The following SNX6 variants were observed in gnomAD, a reference collection of about 807,000 sequenced individuals.
The protein encoded by SNX6 is sorting nexin 6, also known as sorting nexin-6.
Under a neutral mutation model 63.0 loss-of-function variants are expected in SNX6, and 34 were observed. That is an observed-to-expected ratio of 0.54 (90% CI 0.41 to 0.72). SNX6 has a LOEUF of 0.72. Among genes scored for constraint, SNX6 ranks in the 30% least tolerant of loss-of-function variants. The probability of loss-of-function intolerance (pLI) is 0.00; values close to 1 mark genes in which losing one functional copy is unlikely to be tolerated. For missense variants in SNX6, 398 were observed against 471.4 expected, an observed-to-expected ratio of 0.84 and a Z score of 1.44; for synonymous variants, 170 against 164.2, an observed-to-expected ratio of 1.04 and a Z score of -0.27.
At chr14:34,603,272 C>G in intron 6 of SNX6, 76 bp downstream of exon 6, 2 of 1,405,586 alleles carry the variant, frequency 1.4e-6, no homozygotes, top group South Asian at 1.4e-5. Flanking sequence ...GAAGACAGAG[C>G]GAGATTCCGT....
intron 10 of SNX6, among the ~76,000 whole-genome samples, chr14:34,578,937 CAAAAAAAAAAAAAAAAAA>C (rs71121210): frequency 4.4e-5 from 1 of 22,538 alleles, no homozygotes; most frequent in East Asian, 2.0e-3. Flanking sequence ...GACTTCATCT[CAAAAAAAAAAAAAAAAAA>C]AAAAAAAAAA....
intron 9 of SNX6, 33 bp downstream of exon 9, chr14:34,586,197 A>C: frequency 7.3e-7 from 1 of 1,372,946 alleles, no homozygotes; most frequent in Non-Finnish European, 1.0e-6. Context: ...CACCGCGCCC[A>C]GCCTATTTCA....
chr14:34,627,728 G>A (rs923343534), intron 2 of SNX6, among the ~76,000 whole-genome samples: 2 of 152,074 alleles, frequency 1.3e-5, no homozygotes, highest in Admixed American at 1.3e-4. Context: ...GACCTCAGGT[G>A]ATCCACTCAC....
intron 5 of SNX6, among the ~76,000 whole-genome samples, chr14:34,605,094 T>C (rs1439913545): frequency 6.6e-6 from 1 of 152,204 alleles, no homozygotes; most frequent in African/African-American, 2.4e-5. Context: ...TAATTCACAC[T>C]ACATACATAC....
chr14:34,579,709 C>T (rs1045466679), intron 10 of SNX6, among the ~76,000 whole-genome samples: 1 of 151,674 alleles, frequency 6.6e-6, no homozygotes, highest in African/African-American at 2.4e-5. Flanking sequence ...GAATATAAGC[C>T]GGGCTCAGTG....
chr14:34,566,589 A>G (rs2138256973), intron 13 of SNX6, among the ~76,000 whole-genome samples: 1 of 152,362 alleles, frequency 6.6e-6, no homozygotes, highest in South Asian at 2.1e-4. Flanking sequence ...TTTCCATATT[A>G]GGTATTAGAT....
intron 8 of SNX6, among the ~76,000 whole-genome samples, chr14:34,591,813 A>G (rs1158765505): frequency 6.8e-6 from 1 of 146,332 alleles, no homozygotes; most frequent in East Asian, 2.0e-4. Context: ...TAATTAGTTG[A>G]TTTTTGAGAA....
intron 8 of SNX6, among the ~76,000 whole-genome samples, chr14:34,592,029 T>C (rs1882413248): frequency 6.6e-6 from 1 of 152,174 alleles, no homozygotes; most frequent in Non-Finnish European, 1.5e-5. Flanking sequence ...TACCCAAGGG[T>C]AGAGATTACA....
At chr14:34,587,464 T>C (rs530903134) in intron 8 of SNX6, among the ~76,000 whole-genome samples, 43 of 117,860 alleles carry the variant, frequency 3.6e-4, no homozygotes, top group African/African-American at 1.4e-3. Flanking sequence ...ACCCGGGAGG[T>C]GGAGGTTGCA....
At chr14:34,605,515 A>C (rs1408227640) in intron 5 of SNX6, 81 bp downstream of exon 5, 1 of 1,236,612 alleles carries the variant, frequency 8.1e-7, no homozygotes, top group Non-Finnish European at 1.1e-6. Flanking sequence ...GAAAACACCA[A>C]AAAAGGCATT....
At chr14:34,605,855 G>T in intron 4 of SNX6, 138 bp from the exon 5 acceptor site, 1 of 1,074,172 alleles carries the variant, frequency 9.3e-7, no homozygotes, top group South Asian at 2.0e-5. Context: ...CCCAAATTCA[G>T]ATTGGAGAAC....
intron 4 of SNX6, among the ~76,000 whole-genome samples, chr14:34,607,497 C>A (rs975947112): frequency 3.3e-5 from 5 of 151,848 alleles, no homozygotes; most frequent in Non-Finnish European, 5.9e-5. Flanking sequence ...GTAATCCCAG[C>A]GACTCAAGTG....
intron 10 of SNX6, 91 bp downstream of exon 10, chr14:34,581,470 A>C (rs1257597264): frequency 2.6e-6 from 2 of 767,740 alleles, no homozygotes; most frequent in Non-Finnish European, 4.2e-6. Context: ...CACTCTTTTA[A>C]AAAAATTTTC....
intron 2 of SNX6, among the ~76,000 whole-genome samples, chr14:34,627,049 C>T (rs1566497186): frequency 6.6e-6 from 1 of 152,336 alleles, no homozygotes; most frequent in East Asian, 1.9e-4. Context: ...GGACCTCACT[C>T]TGTCACCCTG....
intron 11 of SNX6, 145 bp from the exon 12 acceptor site, chr14:34,568,158 T>TC (rs886845365): frequency 1.6e-6 from 1 of 643,332 alleles, no homozygotes; most frequent in African/African-American, 1.8e-5. Context: ...TTTTTTTTTT[T>TC]TTTGAGGTGG....
chr14:34,574,070 G>A (rs1232784734), intron 11 of SNX6, among the ~76,000 whole-genome samples: 1 of 151,844 alleles, frequency 6.6e-6, no homozygotes, highest in African/African-American at 2.4e-5. Flanking sequence ...GGGTGTGGTA[G>A]CTCATGCCTG....
Position 34,586,231 on chromosome 14 carries a change from T to TG in SNX6, c.792dup (p.Lys265GlnfsTer12). ...CACGTTTTAAATTAGAACACTTACT[T>TG]GCATATATCTGTAGAATCCTGAGTT... On this transcript the variant is annotated frameshift_variant and splice_region_variant, in exon 9 of 14. Transcript: ENST00000362031. LOFTEE classifies it high-confidence loss of function. The TG allele has an allele frequency of 6.3e-7, 1 of 1,587,830 alleles. No individual in the cohort carries two copies. Among genetic ancestry groups the TG allele is most frequent in the Non-Finnish European group, 8.6e-7 (1 of 1,157,912 alleles).
intron 4 of SNX6, 73 bp from the exon 5 acceptor site, chr14:34,605,790 A>G: frequency 6.5e-7 from 1 of 1,529,330 alleles, no homozygotes; most frequent in South Asian, 1.3e-5. Context: ...GCCACCATAG[A>G]AGACTGTGTC....
intron 2 of SNX6, among the ~76,000 whole-genome samples, chr14:34,625,974 GT>G (rs1883811274): frequency 6.6e-6 from 1 of 152,126 alleles, no homozygotes; most frequent in South Asian, 2.1e-4. Context: ...TCAGAAATGT[GT>G]TTTAAAGTCC....
Sources: allele counts gnomAD v4.1 joint callset (sites outside exome capture counted in the v4.1 genomes callset), GRCh38; gene constraint gnomAD v4.1.1; transcripts MANE v1.5; gene names NCBI Gene and HGNC (gene_info 2026-07-23, HGNC 2026-07-21).